TMCC3: variants seen among roughly 807,000 people sequenced by gnomAD.
TMCC3 encodes the protein transmembrane and coiled-coil domain protein 3.
A neutral mutation model predicts 40.2 loss-of-function variants in TMCC3; 28 were observed. That is an observed-to-expected ratio of 0.70 (90% confidence interval 0.52 to 0.95). The LOEUF is 0.95. Ranked by LOEUF, TMCC3 falls within the 40% of genes least tolerant of loss-of-function variation. TMCC3 has a pLI of 0.00. For missense variants in TMCC3, 554 were observed against 615.2 expected (o/e 0.90, Z 1.05); for synonymous variants, 255 against 248.5 (o/e 1.03, Z -0.25).
At chr12:94,605,547 G>C (rs1191180705) in intron 1 of TMCC3, among the ~76,000 whole-genome samples, 1 of 152,214 alleles carries the variant, frequency 6.6e-6, no homozygotes, top group East Asian at 1.9e-4. Flanking sequence ...GGATAGCTGA[G>C]TTCTTACCTA....
chr12:94,611,769 C>CA (rs200252242), intron 1 of TMCC3, among the ~76,000 whole-genome samples: 58,262 of 141,326 alleles, frequency 0.41, 12,226 homozygotes, highest in Non-Finnish European at 0.5. Flanking sequence ...GGAATAATGA[C>CA]AAAAAAAAAA....
chr12:94,609,241 A>G (rs2068801049), intron 1 of TMCC3, among the ~76,000 whole-genome samples: 1 of 152,210 alleles, frequency 6.6e-6, no homozygotes, highest in African/African-American at 2.4e-5. Context: ...AAATTAAAAA[A>G]AGAAAAAGAA....
chr12:94,628,552 G>C (rs2068915861), intron 1 of TMCC3, among the ~76,000 whole-genome samples: 1 of 152,250 alleles, frequency 6.6e-6, no homozygotes. Context: ...GCAGGAGTGA[G>C]CTATTCTAAG....
At chr12:94,623,604 C>T (rs957730073) in intron 1 of TMCC3, among the ~76,000 whole-genome samples, 1 of 152,262 alleles carries the variant, frequency 6.6e-6, no homozygotes, top group South Asian at 2.1e-4. Context: ...TCCATCTTTA[C>T]CGGCACAGGG....
intron 1 of TMCC3, among the ~76,000 whole-genome samples, chr12:94,638,672 T>C (rs1034620815): frequency 2.6e-5 from 4 of 152,204 alleles, no homozygotes; most frequent in African/African-American, 9.6e-5. Flanking sequence ...AACCAGTGAT[T>C]CAGCTGCAAA....
intron 1 of TMCC3, among the ~76,000 whole-genome samples, chr12:94,624,557 C>T (rs898334798): frequency 7.9e-5 from 12 of 151,138 alleles, no homozygotes; most frequent in Non-Finnish European, 1.5e-4. Flanking sequence ...CACTAAAAAA[C>T]GAAAAAATTA....
chr12:94,571,356 A>C lies in TMCC3; in HGVS notation c.*79T>G. On this transcript the variant is annotated 3_prime_UTR_variant, in exon 4 of 4. Transcript: ENST00000261226. ...TACACACGAGTCCGCACAATCATTC[A>C]CTGTAAAATTTGGTAGTATGCACAG... The C allele has an allele frequency of 7.0e-7, 1 of 1,425,140 alleles. No individual in the cohort carries two copies. Among genetic ancestry groups the C allele is most frequent in the Non-Finnish European group, 9.6e-7 (1 of 1,039,068 alleles). 88.3% of individuals were successfully genotyped at this position (1,425,140 alleles called of 1,614,324 possible).
rs1467855760 is a variant in TMCC3, at chr12:94,578,165, A to AAAAAAAAAAAAAAAAAAAAAAAAAAAG, written c.1131+228_1131+229insCTTTTTTTTTTTTTTTTTTTTTTTTTT. 1.9e-4 allele frequency among the ~76,000 whole-genome samples: 24 copies of AAAAAAAAAAAAAAAAAAAAAAAAAAAG among 123,374 alleles called. 1 individual carries two copies. The highest frequency in any genetic ancestry group is 4.1e-4 in the African/African-American group (12 of 29,542). 80.9% of individuals were successfully genotyped at this position (123,374 alleles called of 152,430 possible). On this transcript the variant is annotated intron_variant, in intron 3 of 3. Transcript: ENST00000261226. ...TCACCTCAAAAAAAAAAAAAAAAAA[A>AAAAAAAAAAAAAAAAAAAAAAAAAAAG]AAAGAAAAAGAAAAAGAAAAAAAAA...
At chr12:94,616,980 G>A (rs2138865018) in intron 1 of TMCC3, among the ~76,000 whole-genome samples, 1 of 152,302 alleles carries the variant, frequency 6.6e-6, no homozygotes, top group East Asian at 1.9e-4. Context: ...CCTGGAGCCT[G>A]CTGCAGCAAT....
intron 1 of TMCC3, among the ~76,000 whole-genome samples, chr12:94,593,452 GAGA>G (rs370270093): frequency 3.3e-5 from 4 of 122,766 alleles, no homozygotes; most frequent in African/African-American, 3.6e-5. Flanking sequence ...GAAGGAGAAG[GAGA>G]AGAAGAAGAA....
At chr12:94,644,784 G>A (rs1317077785) in intron 1 of TMCC3, among the ~76,000 whole-genome samples, 1 of 152,206 alleles carries the variant, frequency 6.6e-6, no homozygotes, top group Non-Finnish European at 1.5e-5. Flanking sequence ...TGCCCAGGGA[G>A]TAAGCATGTG....
intron 1 of TMCC3, among the ~76,000 whole-genome samples, chr12:94,596,318 C>G (rs2068714937): frequency 6.6e-6 from 1 of 152,182 alleles, no homozygotes; most frequent in African/African-American, 2.4e-5. Context: ...AGACACAGAG[C>G]CAGGATTTGT....
intron 1 of TMCC3, among the ~76,000 whole-genome samples, chr12:94,585,964 C>T (rs2068636159): frequency 6.6e-6 from 1 of 152,150 alleles, no homozygotes. Context: ...TCTACTGAAC[C>T]AAAGTGCCAT....
intron 1 of TMCC3, among the ~76,000 whole-genome samples, chr12:94,610,351 A>G (rs911242652): frequency 3.3e-5 from 5 of 152,060 alleles, no homozygotes; most frequent in African/African-American, 1.2e-4. Flanking sequence ...GATCACCACA[A>G]GGAAAGAAGG....
In TMCC3 at chr12:94,594,161, C is replaced by T. The variant is rs528371192; in HGVS notation, c.79-11623G>A. 2.6e-5 allele frequency among the ~76,000 whole-genome samples: 4 copies of T among 151,772 alleles called. No individual in the cohort carries two copies. The South Asian group carries it at 8.3e-4, about 32-fold the overall frequency. The stretch of plus-strand genomic sequence containing the variant: ...ATTTAATATCTGCCCCTTACCTCTC[C>T]AGGCCTGGGAACTAAGAACCATGCC... On this transcript the variant is annotated intron_variant, in intron 1 of 3. Transcript: ENST00000261226.
intron 1 of TMCC3, among the ~76,000 whole-genome samples, chr12:94,617,045 A>G (rs931012369): frequency 1.3e-5 from 2 of 152,166 alleles, no homozygotes; most frequent in African/African-American, 4.8e-5. Flanking sequence ...AGGTCTATGA[A>G]GGAGGTGGAA....
rs763408607 is a variant in TMCC3 at position 94,582,353 on chromosome 12, C to T, written c.264G>A (p.Ser88=). The change falls in exon 2 of 4, where the codon TCG becomes TCA. Residue 88 remains serine (S), a synonymous_variant. Coordinates refer to ENST00000261226, the MANE Select transcript of TMCC3 (RefSeq NM_020698.4). ...VTEQIKIEQT[S]RDGNVAEYLK... ...GATACTCCGCAACATTCCCATCGCG[C>T]GATGTTTGCTCAATTTTTATCTGCT... 54 of 1,613,782 alleles carry T rather than the reference C, an allele frequency of 3.3e-5. No homozygotes were observed. Among genetic ancestry groups the T allele is most frequent in the Middle Eastern group, 1.6e-4 (1 of 6,084 alleles).
intron 1 of TMCC3, chr12:94,598,712 C>T (rs1301046230): frequency 2.0e-5 from 20 of 985,336 alleles, no homozygotes; most frequent in Non-Finnish European, 2.3e-5. Flanking sequence ...TCTTCTCCCA[C>T]AGCCACAGAC....
intron 1 of TMCC3, among the ~76,000 whole-genome samples, chr12:94,642,720 TAC>T (rs2068997205): frequency 1.3e-5 from 2 of 152,242 alleles, no homozygotes; most frequent in South Asian, 4.1e-4. Context: ...CACTGTTACA[TAC>T]TGTTATTATT....
Sources: allele counts gnomAD v4.1 joint callset (sites outside exome capture counted in the v4.1 genomes callset), GRCh38; gene constraint gnomAD v4.1.1; transcripts MANE v1.5; gene names NCBI Gene and HGNC (gene_info 2026-07-23, HGNC 2026-07-21).